The following NMT1 variants were observed in gnomAD, a reference collection of about 807,000 sequenced individuals.
The protein encoded by NMT1 is N-myristoyltransferase 1, also known as glycylpeptide N-tetradecanoyltransferase 1.
NMT1 carries 12 observed loss-of-function variants against 63.4 expected under a neutral mutation model. The observed-to-expected ratio is 0.19, with a 90% CI of 0.12 to 0.31. NMT1 has a LOEUF of 0.31. Ranked by LOEUF, NMT1 falls within the 10% of genes least tolerant of loss-of-function variation. NMT1 has a pLI of 1.00. For missense variants in NMT1, 432 were observed against 634.6 expected (o/e 0.68, Z 3.43); for synonymous variants, 228 against 234.3 (o/e 0.97, Z 0.25).
chr17:45,083,709 C>G (rs1214718483), intron 2 of NMT1: 1 of 152,150 alleles, frequency 6.6e-6, no homozygotes, highest in Non-Finnish European at 1.5e-5. Flanking sequence ...ACCTCCTGGG[C>G]TCAAGCAATC....
At chr17:45,093,530 C>T (rs1040812259) in intron 3 of NMT1, 155 bp from the exon 4 acceptor site, 3 of 605,634 alleles carry the variant, frequency 5.0e-6, no homozygotes, top group Non-Finnish European at 8.7e-6. Context: ...CTAAGGGTAG[C>T]TGGAAAGACG....
intron 6 of NMT1, among the ~76,000 whole-genome samples, chr17:45,098,006 T>TGA (rs2054137443): frequency 6.6e-6 from 1 of 152,182 alleles, no homozygotes; most frequent in South Asian, 2.1e-4. Context: ...GCTGTGTTCT[T>TGA]GAGGGAATCA....
chr17:45,104,006 G>C lies in NMT1; in HGVS notation c.1332+130G>C. On this transcript the variant is annotated intron_variant, in intron 10 of 11. Coordinates refer to ENST00000258960, the MANE Select transcript of NMT1 (RefSeq NM_021079.5). This position sits in a 1 kb window ranked among gnomAD's most constrained non-coding sequence, Gnocchi z 4.2. ...GAGCCCTCCTCATCTGTTCTGCTTA[G>C]GCAGGGTTCCCGCAGTTTTTAGGCA... 2 of 1,595,752 alleles carry C rather than the reference G, an allele frequency of 1.3e-6. No homozygotes were observed. Among genetic ancestry groups the C allele is most frequent in the Non-Finnish European group, 1.7e-6 (2 of 1,178,192 alleles).
chr17:45,061,675 T>TA, intron 1 of NMT1: 1 of 505,268 alleles, frequency 2.0e-6, no homozygotes, highest in African/African-American at 1.9e-5. Flanking sequence ...GTACTTTTAT[T>TA]ATATAAAAGT....
At chr17:45,068,878 C>A (rs1490112262) in intron 1 of NMT1, among the ~76,000 whole-genome samples, 1 of 152,152 alleles carries the variant, frequency 6.6e-6, no homozygotes, top group Non-Finnish European at 1.5e-5. Context: ...AACTCCTGGC[C>A]TCAAGCAGTC....
intron 2 of NMT1, among the ~76,000 whole-genome samples, chr17:45,082,039 C>T (rs990950729): frequency 2.0e-5 from 3 of 152,214 alleles, no homozygotes; most frequent in Admixed American, 6.5e-5. Context: ...TGGGGAGCTA[C>T]GTGTGACAGC....
intron 1 of NMT1, among the ~76,000 whole-genome samples, chr17:45,069,842 C>T (rs1356468478): frequency 6.6e-6 from 1 of 150,770 alleles, no homozygotes; most frequent in Non-Finnish European, 1.5e-5. Flanking sequence ...CTAATCGCAC[C>T]ACTGCACTCC....
chr17:45,106,935 A>C lies in NMT1; in HGVS notation c.*1296A>C, dbSNP rs2143529889. The C allele has an allele frequency of 6.6e-6, 1 of 152,408 alleles. No homozygotes were observed. Among genetic ancestry groups the C allele is most frequent in the South Asian group, 2.1e-4 (1 of 4,826 alleles). 9.4% of individuals were successfully genotyped at this position (152,408 alleles called of 1,614,324 possible). On this transcript the variant is annotated 3_prime_UTR_variant, in exon 12 of 12. Transcript: ENST00000258960. ...CAAGCCTCTGGTCACATGGCTGTCG[A>C]TGTAGGCATTCTGGAGTGGTGTTCA...
chr17:45,105,971 A>T lies in NMT1; in HGVS notation c.*332A>T, dbSNP rs1057096455. The T allele has an allele frequency of 6.7e-6, 1 of 149,608 alleles. No individual in the cohort carries two copies. The highest frequency in any genetic ancestry group is 1.5e-5 in the Non-Finnish European group (1 of 67,890). The allele number at this position is 149,608 out of a possible 1,614,324, so 9.3% of individuals were successfully genotyped here. ...GTGAATAATAAAAGTATATATATAT[A>T]TTATATATATATAAATATTTTAAAT... On this transcript the variant is annotated 3_prime_UTR_variant, in exon 12 of 12. Coordinates refer to ENST00000258960, the MANE Select transcript of NMT1 (RefSeq NM_021079.5). This position sits in a 1 kb window ranked among gnomAD's most constrained non-coding sequence, Gnocchi z 4.2.
At chr17:45,087,288 C>T (rs986502221) in intron 3 of NMT1, among the ~76,000 whole-genome samples, 1 of 152,148 alleles carries the variant, frequency 6.6e-6, no homozygotes, top group Non-Finnish European at 1.5e-5. Flanking sequence ...TCTTGTTTGT[C>T]TGGGCACATG....
chr17:45,073,054 C>T (rs2053953694), intron 1 of NMT1, among the ~76,000 whole-genome samples: 1 of 152,178 alleles, frequency 6.6e-6, no homozygotes, highest in South Asian at 2.1e-4. Context: ...TGTAAAGCAT[C>T]AGTCAAGCAT....
At chr17:45,068,991 C>G (rs2053921818) in intron 1 of NMT1, among the ~76,000 whole-genome samples, 1 of 149,176 alleles carries the variant, frequency 6.7e-6, no homozygotes, top group African/African-American at 2.5e-5. Flanking sequence ...GACAGAGTCT[C>G]ACTCTGTCGC....
intron 1 of NMT1, among the ~76,000 whole-genome samples, chr17:45,076,930 T>G (rs1469322333): frequency 1.3e-5 from 2 of 152,158 alleles, no homozygotes; most frequent in Admixed American, 6.6e-5. Flanking sequence ...TCTAGATACT[T>G]GTATTGGCAA....
rs2054915142 is a variant in NMT1 at position 45,096,371 on chromosome 17, A to T, written c.596+86A>T. 3 of 1,065,192 alleles carry T rather than the reference A, an allele frequency of 2.8e-6. No homozygotes were observed. In the African/African-American group the frequency reaches 4.9e-5, roughly 17 times the overall value. The allele number at this position is 1,065,192 out of a possible 1,614,324, so 66.0% of individuals were successfully genotyped here. A position where few individuals can be genotyped will look rare whatever the true frequency, so the allele number is the denominator to read the frequency against. ...GGGCACCAGAGTTTTCATCCCTGCC[A>T]GGGGCCAACCTTTGAATGGCAAATT... On this transcript the variant is annotated intron_variant, in intron 5 of 11. Coordinates refer to ENST00000258960, the MANE Select transcript of NMT1 (RefSeq NM_021079.5).
At chr17:45,102,837 C>A in intron 8 of NMT1, 114 bp from the exon 9 acceptor site, 1 of 942,142 alleles carries the variant, frequency 1.1e-6, no homozygotes, top group Non-Finnish European at 1.6e-6. Flanking sequence ...CACGGGGGTG[C>A]AGGGAGCCGC....
intron 1 of NMT1, among the ~76,000 whole-genome samples, chr17:45,069,480 TGGGGTTTCACCATC>T (rs2053926136): frequency 6.9e-6 from 1 of 145,022 alleles, no homozygotes; most frequent in Non-Finnish European, 1.5e-5. Context: ...TTAGTAGAGA[TGGGGTTTCACCATC>T]TTGGCCAGGC....
chr17:45,102,360 C>T (rs138609130), intron 8 of NMT1, among the ~76,000 whole-genome samples: 12 of 152,282 alleles, frequency 7.9e-5, no homozygotes, highest in Middle Eastern at 3.4e-3. Flanking sequence ...AAGCAGCTGC[C>T]GGGTGGGACG....
intron 1 of NMT1, among the ~76,000 whole-genome samples, chr17:45,078,999 A>G (rs2053995200): frequency 1.3e-5 from 2 of 152,130 alleles, no homozygotes; most frequent in Admixed American, 6.6e-5. Flanking sequence ...TAAAATATAC[A>G]GTTAAAATTA....
intron 2 of NMT1, among the ~76,000 whole-genome samples, chr17:45,082,273 T>G (rs1414833826): frequency 1.5e-5 from 2 of 137,360 alleles, no homozygotes; most frequent in African/African-American, 2.8e-5. Flanking sequence ...ACCTGTCCAG[T>G]TTTTTTTTTT....
Sources: gnomAD v4.1 joint callset for allele counts (sites outside exome capture counted in the v4.1 genomes callset) on GRCh38, gnomAD v4.1.1 for gene constraint, Gnocchi (gnomAD v3.1) non-coding constraint, MANE v1.5 for transcripts, NCBI Gene and HGNC (gene_info 2026-07-23, HGNC 2026-07-21) for gene names.